PSD3: variants seen among roughly 807,000 people sequenced by gnomAD.
PSD3 encodes the protein pleckstrin and Sec7 domain containing 3, also known as PH and SEC7 domain-containing protein 3.
In PSD3, 49 loss-of-function variants were observed where a neutral mutation model predicts 105.5. The ratio of observed to expected loss-of-function variants is 0.46; its 90% CI spans 0.37 to 0.59. The LOEUF is 0.59. Among genes scored for constraint, PSD3 ranks in the 20% least tolerant of loss-of-function variants. The pLI, the probability that PSD3 is intolerant of heterozygous loss-of-function variation, is 0.00. For synonymous variants in PSD3, 557 were observed against 457.8 expected (o/e 1.22, Z -2.77); for missense variants, 1,561 against 1,263.8 (o/e 1.24, Z -3.57).
intron 2 of PSD3, among the ~76,000 whole-genome samples, chr8:18,931,105 G>GTTACA (rs1301492490): frequency 6.6e-6 from 1 of 151,786 alleles, no homozygotes; most frequent in Non-Finnish European, 1.5e-5. Context: ...TGAAGTATCT[G>GTTACA]TTACAATCTT....
rs1035470992 is a variant in PSD3, at chr8:18,805,251, T to A, written c.1635-353A>T. Reference sequence around the variant, plus strand: ...TCACTCACTTAAAAATAAATCTGTTTTACATAACAAATACTATAAAGATAC... The same window carrying A: ...TCACTCACTTAAAAATAAATCTGTTATACATAACAAATACTATAAAGATAC... On this transcript the variant is annotated intron_variant, in intron 4 of 15. Coordinates refer to ENST00000327040, the MANE Select transcript of PSD3 (RefSeq NM_015310.4). Among the ~76,000 whole-genome samples, 10 of 152,268 alleles carry A rather than the reference T, an allele frequency of 6.6e-5. No individual in the cohort carries two copies. In the South Asian group the frequency reaches 1.0e-3, roughly 16 times the overall value.
chr8:18,709,004 C>T (rs574015991), intron 9 of PSD3, among the ~76,000 whole-genome samples: 7 of 152,284 alleles, frequency 4.6e-5, no homozygotes, highest in East Asian at 3.9e-4. Flanking sequence ...TGTGAACCCA[C>T]GCTACCAGGG....
chr8:18,541,809 G>A (rs1800164550), intron 15 of PSD3, among the ~76,000 whole-genome samples: 1 of 150,836 alleles, frequency 6.6e-6, no homozygotes, highest in African/African-American at 2.4e-5. Context: ...GGAGTGCAAT[G>A]GGGCGATCTC....
chr8:18,952,477 A>T (rs73202192), intron 1 of PSD3, among the ~76,000 whole-genome samples: 1 of 152,104 alleles, frequency 6.6e-6, no homozygotes, highest in African/African-American at 2.4e-5. Flanking sequence ...TACACATGAT[A>T]GTAAAATCTG....
intron 1 of PSD3, among the ~76,000 whole-genome samples, chr8:18,985,981 G>A (rs948159581): frequency 6.6e-6 from 1 of 151,914 alleles, no homozygotes; most frequent in Non-Finnish European, 1.5e-5. Flanking sequence ...TCTATTTAAA[G>A]ACCAAGATTA....
chr8:18,641,440 C>G (rs7015776), intron 10 of PSD3, among the ~76,000 whole-genome samples: 115,020 of 152,064 alleles, frequency 0.76, 43,631 homozygotes, highest in African/African-American at 0.82. Flanking sequence ...AAAATATTGG[C>G]TAAAACATTT....
chr8:19,002,181 G>T (rs986519054), intron 1 of PSD3, among the ~76,000 whole-genome samples: 1 of 152,008 alleles, frequency 6.6e-6, no homozygotes, highest in African/African-American at 2.4e-5. Flanking sequence ...GCCAGAAAGT[G>T]ACTTTGAGAG....
intron 9 of PSD3, among the ~76,000 whole-genome samples, chr8:18,728,732 G>A (rs991281671): frequency 6.6e-6 from 1 of 152,080 alleles, no homozygotes; most frequent in Non-Finnish European, 1.5e-5. Flanking sequence ...TAATTAGCTC[G>A]ATTTAGCCAT....
chr8:18,879,084 A>ACG (rs1817935710), intron 2 of PSD3, among the ~76,000 whole-genome samples: 3 of 130,188 alleles, frequency 2.3e-5, no homozygotes, highest in African/African-American at 5.9e-5. Context: ...ACACACACAC[A>ACG]CACGCACACA....
At chr8:19,032,416 G>T (rs1054186303) in intron 1 of PSD3, among the ~76,000 whole-genome samples, 1 of 152,106 alleles carries the variant, frequency 6.6e-6, no homozygotes, top group African/African-American at 2.4e-5. Flanking sequence ...GCCAAGGTGG[G>T]AGGATTGCTT....
chr8:18,781,931 C>T (rs1295369577), intron 8 of PSD3, among the ~76,000 whole-genome samples: 3 of 151,980 alleles, frequency 2.0e-5, no homozygotes, highest in Admixed American at 6.6e-5. Flanking sequence ...AAAGACCTGT[C>T]TTCAAGTTTA....
intron 2 of PSD3, among the ~76,000 whole-genome samples, chr8:18,906,609 A>G (rs1819865984): frequency 1.3e-5 from 2 of 152,208 alleles, no homozygotes; most frequent in African/African-American, 4.8e-5. Flanking sequence ...TCTTATTGCT[A>G]AACTTCATAC....
intron 2 of PSD3, among the ~76,000 whole-genome samples, chr8:18,919,426 C>A (rs1407395494): frequency 6.6e-6 from 1 of 152,112 alleles, no homozygotes; most frequent in Non-Finnish European, 1.5e-5. Flanking sequence ...CATCCAAGGA[C>A]TACCTGAATC....
intron 14 of PSD3, among the ~76,000 whole-genome samples, chr8:18,565,313 A>G (rs181600069): frequency 2.0e-4 from 30 of 152,334 alleles, no homozygotes; most frequent in African/African-American, 6.5e-4. Flanking sequence ...GAGCTACACC[A>G]GAAGGAGAAG....
At chr8:18,823,152 C>G (rs1210266638) in intron 4 of PSD3, among the ~76,000 whole-genome samples, 2 of 151,312 alleles carry the variant, frequency 1.3e-5, no homozygotes, top group African/African-American at 4.9e-5. Context: ...ATACCTGAAG[C>G]CAAAATAGAC....
At chr8:18,909,662 T>C (rs1388870080) in intron 2 of PSD3, among the ~76,000 whole-genome samples, 1 of 152,012 alleles carries the variant, frequency 6.6e-6, no homozygotes, top group Non-Finnish European at 1.5e-5. Context: ...TTTTGTATTT[T>C]TAGTAGAGAT....
chr8:18,842,592 G>C (rs937061772), intron 4 of PSD3, among the ~76,000 whole-genome samples: 5 of 152,110 alleles, frequency 3.3e-5, no homozygotes, highest in African/African-American at 4.8e-5. Context: ...AATTAGCCGG[G>C]CGTGGTGGGA....
At chr8:19,002,765 T>C (rs1826471564) in intron 1 of PSD3, among the ~76,000 whole-genome samples, 1 of 152,042 alleles carries the variant, frequency 6.6e-6, no homozygotes, top group Non-Finnish European at 1.5e-5. Context: ...ACAACATTCT[T>C]CCACATATTT....
At chr8:18,646,307 A>G (rs1212224585) in intron 10 of PSD3, among the ~76,000 whole-genome samples, 1 of 152,182 alleles carries the variant, frequency 6.6e-6, no homozygotes, top group African/African-American at 2.4e-5. Flanking sequence ...TACTATTAAG[A>G]AACACTACTC....
Sources: allele counts gnomAD v4.1 joint callset (sites outside exome capture counted in the v4.1 genomes callset), GRCh38; gene constraint gnomAD v4.1.1; transcripts MANE v1.5; gene names NCBI Gene and HGNC (gene_info 2026-07-23, HGNC 2026-07-21).